ATXN10: variants seen among roughly 807,000 people sequenced by gnomAD.
ATXN10 encodes the protein ataxin-10.
In ATXN10, 28 loss-of-function variants were observed where a neutral mutation model predicts 52.9. The ratio of observed to expected loss-of-function variants is 0.53; its 90% CI spans 0.39 to 0.73. The LOEUF (loss-of-function observed/expected upper bound fraction) is 0.73. Ranked by LOEUF, ATXN10 falls within the 30% of genes least tolerant of loss-of-function variation. ATXN10 has a pLI of 0.00. For missense variants in ATXN10, 565 were observed against 577.0 expected (o/e 0.98, Z 0.21); for synonymous variants, 226 against 221.5 (o/e 1.02, Z -0.18).
chr22:45,793,425 A>G lies in ATXN10; in HGVS notation c.1174-13534A>G, dbSNP rs557611434. 24 of 468,354 alleles carry G rather than the reference A, an allele frequency of 5.1e-5. No individual in the cohort carries two copies. In the South Asian group the frequency reaches 8.8e-4, roughly 17 times the overall value. 29.0% of individuals were successfully genotyped at this position (468,354 alleles called of 1,614,324 possible). A position where few individuals can be genotyped will look rare whatever the true frequency, so the allele number is the denominator to read the frequency against. Reference sequence around the variant, plus strand: ...TGACGGAAACATCTACTGCATTTCAATAAGGGTAACAATGGTAGCAGAGTC... The same window carrying G: ...TGACGGAAACATCTACTGCATTTCAGTAAGGGTAACAATGGTAGCAGAGTC... On this transcript the variant is annotated intron_variant, in intron 9 of 11. Coordinates refer to ENST00000252934, the MANE Select transcript of ATXN10 (RefSeq NM_013236.4).
intron 1 of ATXN10, chr22:45,679,332 G>T (rs927477653): frequency 1.3e-5 from 2 of 152,200 alleles, no homozygotes; most frequent in African/African-American, 4.8e-5. Context: ...ATACAAGAAA[G>T]ACTTTAATTA....
At chr22:45,806,370 C>T (rs1422715290) in intron 9 of ATXN10, among the ~76,000 whole-genome samples, 2 of 152,134 alleles carry the variant, frequency 1.3e-5, no homozygotes, top group African/African-American at 2.4e-5. Flanking sequence ...TCATGTATCT[C>T]ACCTGTTTTT....
intron 9 of ATXN10, among the ~76,000 whole-genome samples, chr22:45,803,750 G>A (rs1384410175): frequency 3.9e-5 from 6 of 152,076 alleles, no homozygotes; most frequent in Admixed American, 2.6e-4. Context: ...GGATGCGTAC[G>A]TACCCCATCC....
Position 45,776,505 on chromosome 22 carries a change from CT to C in ATXN10, c.1174-30441del, listed in dbSNP as rs745990618. 7.8e-3 allele frequency among the ~76,000 whole-genome samples: 1,117 copies of C among 142,838 alleles called. 5 individuals carry two copies. Among genetic ancestry groups the C allele is most frequent in the African/African-American group, 0.014 (532 of 39,148 alleles). The allele number at this position is 142,838 out of a possible 152,430, so 93.7% of individuals were successfully genotyped here. A position where few individuals can be genotyped will look rare whatever the true frequency, so the allele number is the denominator to read the frequency against. On this transcript the variant is annotated intron_variant, in intron 9 of 11. Transcript: ENST00000252934. ...TCATATAATTTGCACTCCCTGATACCTTTTTTTTTTTTTAATGTCAAAGTTG... is the reference window on the plus strand; with the variant it reads ...TCATATAATTTGCACTCCCTGATACCTTTTTTTTTTTTAATGTCAAAGTTG...
At chr22:45,689,406 G>GAA (rs1295585740) in intron 1 of ATXN10, 1 of 404,588 alleles carries the variant, frequency 2.5e-6, no homozygotes, top group Admixed American at 3.7e-5. Flanking sequence ...CTGGCTGAGT[G>GAA]ATTTGTGCAA....
chr22:45,720,192 G>T (rs1448962338), intron 6 of ATXN10, among the ~76,000 whole-genome samples: 2 of 151,874 alleles, frequency 1.3e-5, no homozygotes, highest in Admixed American at 6.6e-5. Context: ...AAGGTCTTAT[G>T]TATTTATTCT....
chr22:45,802,873 A>T (rs974589928), intron 9 of ATXN10, among the ~76,000 whole-genome samples: 3 of 152,186 alleles, frequency 2.0e-5, no homozygotes, highest in Non-Finnish European at 4.4e-5. Context: ...AATCCCGAAT[A>T]CTTTTATTTC....
chr22:45,756,683 G>A (rs897217796), intron 9 of ATXN10, among the ~76,000 whole-genome samples: 1 of 152,158 alleles, frequency 6.6e-6, no homozygotes, highest in African/African-American at 2.4e-5. Flanking sequence ...TGGGGGTTGT[G>A]ATTGTCCTTT....
chr22:45,687,012 C>A (rs977280155), intron 1 of ATXN10, among the ~76,000 whole-genome samples: 1 of 152,080 alleles, frequency 6.6e-6, no homozygotes. Context: ...ATTATTTTTT[C>A]TTTATACTGC....
intron 7 of ATXN10, among the ~76,000 whole-genome samples, chr22:45,734,084 TC>T (rs1925194508): frequency 6.6e-6 from 1 of 152,156 alleles, no homozygotes; most frequent in Non-Finnish European, 1.5e-5. Flanking sequence ...GCTTTTTTTT[TC>T]TTTTAACCTT....
Position 45,689,754 on chromosome 22 carries a change from C to G in ATXN10, c.159C>G (p.Ile53Met), listed in dbSNP as rs182062860. ...PRTIFQRVLD[I>M]LKKSSHAVEL... ...CTATCTTCCAAAGAGTTCTGGATAT[C>G]CTAAAGAAATCTTCTCATGCTGTTG... Residue 53 changes from isoleucine (I) to methionine (M), a missense_variant, in exon 2 of 12, where the codon ATC (isoleucine) becomes ATG (methionine). Physicochemically the swap from Ile to Met is conservative, Grantham distance 10. Coordinates refer to ENST00000252934, the MANE Select transcript of ATXN10 (RefSeq NM_013236.4). The G allele has an allele frequency of 2.6e-5, 42 of 1,614,080 alleles. No individual in the cohort carries two copies. The African/African-American group carries it at 4.9e-4, about 19-fold the overall frequency.
rs543908163 is a variant in ATXN10, at chr22:45,764,054, A to T, written c.1173+23516A>T. ...CCGGCAGCCTCTCTGCTTCTCCCTGATCCTGCAGCGTGTGCTTGAAATCCT... is the reference window on the plus strand; with the variant it reads ...CCGGCAGCCTCTCTGCTTCTCCCTGTTCCTGCAGCGTGTGCTTGAAATCCT... On this transcript the variant is annotated intron_variant, in intron 9 of 11. Transcript: ENST00000252934. 3.9e-5 allele frequency among the ~76,000 whole-genome samples: 6 copies of T among 152,204 alleles called. No individual in the cohort carries two copies. In the South Asian group the frequency reaches 1.2e-3, roughly 32 times the overall value.
rs764804660 is a variant in ATXN10, at chr22:45,819,386, G to C, written c.1237+12364G>C. ...ATGGTTTCCTTCAAATGCTGCCTCT[G>C]TGGGTAGGAAGCACACTCTGATTCC... On this transcript the variant is annotated intron_variant, in intron 10 of 11. Coordinates refer to ENST00000252934, the MANE Select transcript of ATXN10 (RefSeq NM_013236.4). This position sits in a 1 kb window ranked among gnomAD's most constrained non-coding sequence, Gnocchi z 4.5. Among the ~76,000 whole-genome samples the C allele has an allele frequency of 4.6e-5, 7 of 152,176 alleles. No individual in the cohort carries two copies. The highest frequency in any genetic ancestry group is 8.8e-5 in the Non-Finnish European group (6 of 68,038).
In ATXN10 at chr22:45,744,399, A is replaced by G. The variant is rs1200001359; in HGVS notation, c.1173+3861A>G. ...CTCTTACACTTGTGTGGCACTTTCC[A>G]TTTTCCAGAGCTCTTTTCATCTGCT... On this transcript the variant is annotated intron_variant, in intron 9 of 11. Transcript: ENST00000252934. The surrounding 1 kb of genome is among the most constrained non-coding windows in gnomAD (Gnocchi z 4.9). 1.3e-5 allele frequency: 2 copies of G among 151,988 alleles called. No individual in the cohort carries two copies. The highest frequency in any genetic ancestry group is 2.9e-5 in the Non-Finnish European group (2 of 68,036). 9.4% of individuals were successfully genotyped at this position (151,988 alleles called of 1,614,324 possible). A position where few individuals can be genotyped will look rare whatever the true frequency, so the allele number is the denominator to read the frequency against.
In ATXN10 at chr22:45,701,441, A is replaced by G. The variant is rs996681664; in HGVS notation, c.488+1063A>G. ...GGCTCCTCTGTGAAGTATAGCGTTA[A>G]GATGGGATAAACTCTAATTCACCTG... On this transcript the variant is annotated intron_variant, in intron 4 of 11. Coordinates refer to ENST00000252934, the MANE Select transcript of ATXN10 (RefSeq NM_013236.4). The surrounding 1 kb of genome is among the most constrained non-coding windows in gnomAD (Gnocchi z 4.2). Among the ~76,000 whole-genome samples, 6 of 152,192 alleles carry G rather than the reference A, an allele frequency of 3.9e-5. No individual in the cohort carries two copies. The highest frequency in any genetic ancestry group is 1.4e-4 in the African/African-American group (6 of 41,438).
At chr22:45,799,040 A>G (rs1447468346) in intron 9 of ATXN10, among the ~76,000 whole-genome samples, 2 of 151,956 alleles carry the variant, frequency 1.3e-5, no homozygotes, top group Non-Finnish European at 2.9e-5. Flanking sequence ...TATAGAGTGA[A>G]TGCTATACCA....
At chr22:45,734,841 T>C (rs1925227951) in intron 7 of ATXN10, among the ~76,000 whole-genome samples, 2 of 149,690 alleles carry the variant, frequency 1.3e-5, no homozygotes, top group Admixed American at 1.3e-4. Context: ...TTAGCCTCTC[T>C]CTGCCCTTCT....
At chr22:45,745,224 T>G (rs1385157821) in intron 9 of ATXN10, among the ~76,000 whole-genome samples, 2 of 152,242 alleles carry the variant, frequency 1.3e-5, no homozygotes, top group Non-Finnish European at 2.9e-5. Flanking sequence ...CTATTCTTCT[T>G]CTTTTCACTA....
At chr22:45,682,795 T>C (rs1922980818) in intron 1 of ATXN10, among the ~76,000 whole-genome samples, 1 of 152,190 alleles carries the variant, frequency 6.6e-6, no homozygotes, top group African/African-American at 2.4e-5. Flanking sequence ...TCACTCCCCT[T>C]TTTTAGACAC....
Sources: gnomAD v4.1 joint callset for allele counts (sites outside exome capture counted in the v4.1 genomes callset) on GRCh38, gnomAD v4.1.1 for gene constraint, Gnocchi (gnomAD v3.1) non-coding constraint, MANE v1.5 for transcripts, NCBI Gene and HGNC (gene_info 2026-07-23, HGNC 2026-07-21) for gene names.